The following RAB15 variants were observed in gnomAD, a reference collection of about 807,000 sequenced individuals.
The protein encoded by RAB15 is ras-related protein Rab-15.
RAB15 carries 13 observed loss-of-function variants against 31.8 expected under a neutral mutation model. The ratio of observed to expected loss-of-function variants is 0.41; its 90% CI spans 0.27 to 0.65. RAB15 has a LOEUF of 0.65. Among genes scored for constraint, RAB15 ranks in the 30% least tolerant of loss-of-function variants. RAB15 has a pLI of 0.32. For synonymous variants in RAB15, 100 were observed against 105.6 expected (o/e 0.95, Z 0.33); for missense variants, 220 against 277.3 (o/e 0.79, Z 1.47).
At position 64,951,778 on chromosome 14, in the gene RAB15, A is replaced by G; in HGVS notation, c.186-115T>C. 1 of 882,796 alleles carries G rather than the reference A, an allele frequency of 1.1e-6. No individual in the cohort carries two copies. The highest frequency in any genetic ancestry group is 1.9e-6 in the Non-Finnish European group (1 of 530,526). 54.7% of individuals were successfully genotyped at this position (882,796 alleles called of 1,614,324 possible). A position where few individuals can be genotyped will look rare whatever the true frequency, so the allele number is the denominator to read the frequency against. On this transcript the variant is annotated intron_variant, in intron 2 of 6. Coordinates refer to ENST00000533601, the MANE Select transcript of RAB15 (RefSeq NM_001308154.2). This position sits in a 1 kb window ranked among gnomAD's most constrained non-coding sequence, Gnocchi z 7.2. ...CTGGGGAGCTAAAGGGTGAAAAACC[A>G]GGGATGCTTGGATCCCCACAGGGAT...
At position 64,951,807 on chromosome 14, in the gene RAB15, C is replaced by T. The variant is rs527264005; in HGVS notation, c.186-144G>A. 1.3e-5 allele frequency: 9 copies of T among 717,060 alleles called. No homozygotes were observed. The highest frequency in any genetic ancestry group is 1.7e-5 in the Non-Finnish European group (7 of 405,778). 44.4% of individuals were successfully genotyped at this position (717,060 alleles called of 1,614,324 possible). A position where few individuals can be genotyped will look rare whatever the true frequency, so the allele number is the denominator to read the frequency against. On this transcript the variant is annotated intron_variant, in intron 2 of 6. Transcript: ENST00000533601. The surrounding 1 kb of genome is among the most constrained non-coding windows in gnomAD (Gnocchi z 7.2). The stretch of plus-strand genomic sequence containing the variant: ...ATGCTTGGATCCCCACAGGGATCTG[C>T]AGTCAGAGGCCTGGTCATCTGTGCT...
rs1337215811 is a variant in RAB15 at position 64,971,546 on chromosome 14, A to C, written c.124+407T>G. ...GTCACCACAGAACCAAGGGCGCCTCAGTGACTCCGGTCTCCACCCTGACCC... is the reference window on the plus strand; with the variant it reads ...GTCACCACAGAACCAAGGGCGCCTCCGTGACTCCGGTCTCCACCCTGACCC... On this transcript the variant is annotated intron_variant, in intron 1 of 6. Coordinates refer to ENST00000533601, the MANE Select transcript of RAB15 (RefSeq NM_001308154.2). The surrounding 1 kb of genome is among the most constrained non-coding windows in gnomAD (Gnocchi z 4.1). Among the ~76,000 whole-genome samples the C allele has an allele frequency of 6.8e-6, 1 of 146,750 alleles. No individual in the cohort carries two copies. The highest frequency in any genetic ancestry group is 1.5e-5 in the Non-Finnish European group (1 of 66,990).
In RAB15 at chr14:64,972,127, T is replaced by G. The variant is rs1887463574; in HGVS notation, c.-51A>C. 7.6e-7 allele frequency: 1 copy of G among 1,308,504 alleles called. No homozygotes were observed. The highest frequency in any genetic ancestry group is 9.8e-7 in the Non-Finnish European group (1 of 1,024,604). 81.1% of individuals were successfully genotyped at this position (1,308,504 alleles called of 1,614,324 possible). Reference sequence around the variant, plus strand: ...TGCGGGCGGGCAGCGGGCTCAGCCCTGCTCCGCCGCTGCCATCGCGGCCCG... The same window carrying G: ...TGCGGGCGGGCAGCGGGCTCAGCCCGGCTCCGCCGCTGCCATCGCGGCCCG... On this transcript the variant is annotated 5_prime_UTR_variant, in exon 1 of 7. Coordinates refer to ENST00000533601, the MANE Select transcript of RAB15 (RefSeq NM_001308154.2). The surrounding 1 kb of genome is among the most constrained non-coding windows in gnomAD (Gnocchi z 6.3).
Position 64,950,179 on chromosome 14 carries a change from T to C in RAB15, c.414+146A>G. 2.8e-6 allele frequency: 2 copies of C among 715,606 alleles called. No individual in the cohort carries two copies. Among genetic ancestry groups the C allele is most frequent in the South Asian group, 3.2e-5 (2 of 62,490 alleles). 44.3% of individuals were successfully genotyped at this position (715,606 alleles called of 1,614,324 possible). On this transcript the variant is annotated intron_variant, in intron 5 of 6. Transcript: ENST00000533601. The surrounding 1 kb of genome is among the most constrained non-coding windows in gnomAD (Gnocchi z 5.6). ...ACCCAGACAACAAGCCTTCCGAGGA[T>C]GGCCACTCCCCCAGGGCCTTGGGGT... is the stretch of plus-strand genomic sequence containing the variant.
At chr14:64,969,303 T>C (rs867568279) in intron 1 of RAB15, among the ~76,000 whole-genome samples, 2 of 152,208 alleles carry the variant, frequency 1.3e-5, no homozygotes, top group South Asian at 4.1e-4. Context: ...GTTGGCTCCT[T>C]GATTTGTCTC....
In RAB15 at chr14:64,971,907, G is replaced by C. The variant is rs754481990; in HGVS notation, c.124+46C>G. ...TGGGGACGGGGGCGGCGGGGAAAGG[G>C]GCCGCGGGCGGGGAGGGAGGGGCGC... On this transcript the variant is annotated intron_variant, in intron 1 of 6. Transcript: ENST00000533601. The surrounding 1 kb of genome is among the most constrained non-coding windows in gnomAD (Gnocchi z 4.1). The C allele has an allele frequency of 1.3e-6, 2 of 1,524,928 alleles. No homozygotes were observed. The highest frequency in any genetic ancestry group is 2.4e-5 in the South Asian group (2 of 83,154). 94.5% of individuals were successfully genotyped at this position (1,524,928 alleles called of 1,614,324 possible).
rs1886067740 is a variant in RAB15, at chr14:64,948,787, A to G, written c.415-54T>C. On this transcript the variant is annotated intron_variant, in intron 5 of 6. Coordinates refer to ENST00000533601, the MANE Select transcript of RAB15 (RefSeq NM_001308154.2). This position sits in a 1 kb window ranked among gnomAD's most constrained non-coding sequence, Gnocchi z 7.0. ...AGTCAGTAAGGCAGGGGAGGGGCCC[A>G]TACAACCAGGCACAGGCTTCTGCCA... The G allele has an allele frequency of 1.3e-6, 2 of 1,517,270 alleles. No homozygotes were observed. The highest frequency in any genetic ancestry group is 1.4e-5 in the African/African-American group (1 of 72,966). 94.0% of individuals were successfully genotyped at this position (1,517,270 alleles called of 1,614,324 possible).
rs2139966113 is a variant in RAB15 at position 64,950,164 on chromosome 14, C to CA, written c.414+160dup. On this transcript the variant is annotated intron_variant, in intron 5 of 6. Transcript: ENST00000533601. This position sits in a 1 kb window ranked among gnomAD's most constrained non-coding sequence, Gnocchi z 5.6. ...GGCTTCTGTCCTGAAACCCAGACAA[C>CA]AAGCCTTCCGAGGATGGCCACTCCC... Among the ~76,000 whole-genome samples, 1 of 152,268 alleles carries CA rather than the reference C, an allele frequency of 6.6e-6. No homozygotes were observed. Among genetic ancestry groups the CA allele is most frequent in the East Asian group, 1.9e-4 (1 of 5,182 alleles).
chr14:64,956,549 T>TTC (rs750420520), intron 1 of RAB15, among the ~76,000 whole-genome samples: 17 of 152,194 alleles, frequency 1.1e-4, no homozygotes, highest in Non-Finnish European at 2.5e-4. Context: ...CTCACAGTGA[T>TTC]TCTCACACAT....
Position 64,970,052 on chromosome 14 carries a change from T to G in RAB15, c.124+1901A>C, listed in dbSNP as rs1887344016. Among the ~76,000 whole-genome samples, 1 of 152,112 alleles carries G rather than the reference T, an allele frequency of 6.6e-6. No individual in the cohort carries two copies. Among genetic ancestry groups the G allele is most frequent in the Admixed American group, 6.5e-5 (1 of 15,278 alleles). On this transcript the variant is annotated intron_variant, in intron 1 of 6. Coordinates refer to ENST00000533601, the MANE Select transcript of RAB15 (RefSeq NM_001308154.2). This position sits in a 1 kb window ranked among gnomAD's most constrained non-coding sequence, Gnocchi z 4.1. Reference sequence around the variant, plus strand: ...GAGCTTCTGAAATGAGGTGGTTGAATGAAGCCCTCAAAGGGAAAAGTCCAT... The same window carrying G: ...GAGCTTCTGAAATGAGGTGGTTGAAGGAAGCCCTCAAAGGGAAAAGTCCAT...
chr14:64,950,482 C>G lies in RAB15; in HGVS notation c.325-68G>C, dbSNP rs1421760954. The stretch of plus-strand genomic sequence containing the variant: ...GCCCCCCCAATTTTCCCTACAGAGT[C>G]TGCACTGCCTCCAGCCCACCACCAA... On this transcript the variant is annotated intron_variant, in intron 4 of 6. Transcript: ENST00000533601. This position sits in a 1 kb window ranked among gnomAD's most constrained non-coding sequence, Gnocchi z 5.6. 1 of 1,284,522 alleles carries G rather than the reference C, an allele frequency of 7.8e-7. No individual in the cohort carries two copies. The highest frequency in any genetic ancestry group is 1.1e-6 in the Non-Finnish European group (1 of 884,486). The allele number at this position is 1,284,522 out of a possible 1,614,324, so 79.6% of individuals were successfully genotyped here.
chr14:64,952,594 A>T lies in RAB15; in HGVS notation c.125-23T>A, dbSNP rs762478221. On this transcript the variant is annotated intron_variant, in intron 1 of 6. Transcript: ENST00000533601. The surrounding 1 kb of genome is among the most constrained non-coding windows in gnomAD (Gnocchi z 4.2). ...CACCTGAAGAAAGGAAGAAAGAAAG[A>T]AAGTTAGAAAGCGTACCCACGAGAA... The T allele has an allele frequency of 4.0e-5, 63 of 1,565,758 alleles. No individual in the cohort carries two copies. Among genetic ancestry groups the T allele is most frequent in the Middle Eastern group, 1.7e-4 (1 of 5,998 alleles).
rs1240520813 is a variant in RAB15, at chr14:64,948,452, G to T, written c.541C>A (p.Arg181=). ...GCCAACTCATTGCTGGCACGCATCC[G>T]GAGGCCTTCCAGCTCCTTCCTATGG... is the stretch of plus-strand genomic sequence containing the variant. ...QAHRKELEGL[R]MRASNELALA... is the part of the protein sequence containing the mutation. The change falls in exon 7 of 7, where the codon CGG becomes AGG. Residue 181 remains arginine (R), a synonymous_variant. Transcript: ENST00000533601. This position sits in a 1 kb window ranked among gnomAD's most constrained non-coding sequence, Gnocchi z 7.0. 6 of 1,613,642 alleles carry T rather than the reference G, an allele frequency of 3.7e-6. No homozygotes were observed. The highest frequency in any genetic ancestry group is 1.7e-5 in the Admixed American group (1 of 59,926).
intron 1 of RAB15, among the ~76,000 whole-genome samples, chr14:64,957,326 G>A (rs1291927980): frequency 2.6e-5 from 4 of 152,232 alleles, no homozygotes; most frequent in Admixed American, 1.3e-4. Context: ...CACTGACAGC[G>A]TAGTCCTCTC....
chr14:64,960,575 G>A (rs111437132), intron 1 of RAB15, among the ~76,000 whole-genome samples: 5,990 of 152,274 alleles, frequency 0.039, 186 homozygotes, highest in South Asian at 0.095. Flanking sequence ...GTAAAGTGGG[G>A]GTGACAGAGG....
chr14:64,954,125 T>G lies in RAB15; in HGVS notation c.125-1554A>C, dbSNP rs1886412623. 1 of 985,308 alleles carries G rather than the reference T, an allele frequency of 1.0e-6. No homozygotes were observed. The allele number at this position is 985,308 out of a possible 1,614,324, so 61.0% of individuals were successfully genotyped here. On this transcript the variant is annotated intron_variant, in intron 1 of 6. Coordinates refer to ENST00000533601, the MANE Select transcript of RAB15 (RefSeq NM_001308154.2). This position sits in a 1 kb window ranked among gnomAD's most constrained non-coding sequence, Gnocchi z 4.3. ...GGCAACCTGAACTAAATCGATTTGGTCAGACGTGAATCATTTCTCGCCTGC... is the reference window on the plus strand; with the variant it reads ...GGCAACCTGAACTAAATCGATTTGGGCAGACGTGAATCATTTCTCGCCTGC...
chr14:64,961,746 A>C (rs892683552), intron 1 of RAB15, among the ~76,000 whole-genome samples: 3 of 152,146 alleles, frequency 2.0e-5, no homozygotes, highest in Non-Finnish European at 4.4e-5. Context: ...ATGTCTCTGC[A>C]AAAAATTTAA....
rs1159429302 is a variant in RAB15, at chr14:64,948,848, TCA to T, written c.415-117_415-116del. 10 of 881,876 alleles carry T rather than the reference TCA, an allele frequency of 1.1e-5. No homozygotes were observed. In the Admixed American group the frequency reaches 1.8e-4, roughly 16 times the overall value. 54.6% of individuals were successfully genotyped at this position (881,876 alleles called of 1,614,324 possible). On this transcript the variant is annotated intron_variant, in intron 5 of 6. Transcript: ENST00000533601. The surrounding 1 kb of genome is among the most constrained non-coding windows in gnomAD (Gnocchi z 7.0). Reference sequence around the variant, plus strand: ...AACCATGCTGTGTTGTGACGATTTCTCAGAGTAGATAATTTCTCAGATGGGAC... The same window carrying T: ...AACCATGCTGTGTTGTGACGATTTCTGAGTAGATAATTTCTCAGATGGGAC...
At position 64,971,252 on chromosome 14, in the gene RAB15, C is replaced by T. The variant is rs1887400575; in HGVS notation, c.124+701G>A. Among the ~76,000 whole-genome samples, 1 of 152,184 alleles carries T rather than the reference C, an allele frequency of 6.6e-6. No individual in the cohort carries two copies. Among genetic ancestry groups the T allele is most frequent in the African/African-American group, 2.4e-5 (1 of 41,430 alleles). ...CTCTAACCACAGGCTCCAGCACTGC[C>T]AGATGAGAGATGCCCTCAGGCGGGT... On this transcript the variant is annotated intron_variant, in intron 1 of 6. Transcript: ENST00000533601. This position sits in a 1 kb window ranked among gnomAD's most constrained non-coding sequence, Gnocchi z 4.1.
Sources: allele counts gnomAD v4.1 joint callset (sites outside exome capture counted in the v4.1 genomes callset), GRCh38; gene constraint gnomAD v4.1.1; non-coding constraint Gnocchi (gnomAD v3.1); transcripts MANE v1.5; gene names NCBI Gene and HGNC (gene_info 2026-07-23, HGNC 2026-07-21).